CSRNP3: variants seen among roughly 807,000 people sequenced by gnomAD.
CSRNP3 encodes the protein cysteine and serine rich nuclear protein 3, also known as cysteine/serine-rich nuclear protein 3.
In CSRNP3, 12 loss-of-function variants were observed where a neutral mutation model predicts 48.0. That is an observed-to-expected ratio of 0.25 (90% CI 0.16 to 0.41). The LOEUF is 0.41. Among genes scored for constraint, CSRNP3 ranks in the 10% least tolerant of loss-of-function variants. The pLI is 1.00. For synonymous variants in CSRNP3, 263 were observed against 269.7 expected, an observed-to-expected ratio of 0.98 and a Z score of 0.24; for missense variants, 580 against 724.4, an observed-to-expected ratio of 0.80 and a Z score of 2.29.
At chr2:165,517,776 T>A (rs1320125418) in intron 2 of CSRNP3, 97 bp from the exon 3 acceptor site, 2 of 152,402 alleles carry the variant, frequency 1.3e-5, no homozygotes, top group African/African-American at 4.8e-5. Context: ...TTCTATTGAT[T>A]TTCTCCTATG....
rs1685114994 is a variant in CSRNP3, at chr2:165,552,818, C to A, written c.-24+34857C>A. ...CTAGCGATCCTTCTGCCTCAGCCTC[C>A]CAAGTAGCTGGGACTACAGGTGTGT... On this transcript the variant is annotated intron_variant, in intron 3 of 6. Coordinates refer to ENST00000651982, the MANE Select transcript of CSRNP3 (RefSeq NM_001172173.2). 2.0e-5 allele frequency among the ~76,000 whole-genome samples: 3 copies of A among 152,184 alleles called. No individual in the cohort carries two copies. The South Asian group carries it at 6.2e-4, about 32-fold the overall frequency.
chr2:165,474,461 C>T (rs1683934979), intron 1 of CSRNP3, among the ~76,000 whole-genome samples: 1 of 152,034 alleles, frequency 6.6e-6, no homozygotes, highest in Non-Finnish European at 1.5e-5. Flanking sequence ...CTATAAATTC[C>T]TTGGCCTATA....
At chr2:165,608,186 CTTAAT>C (rs1241413060) in intron 4 of CSRNP3, among the ~76,000 whole-genome samples, 5 of 151,256 alleles carry the variant, frequency 3.3e-5, no homozygotes, top group Non-Finnish European at 7.4e-5. Flanking sequence ...TGGGGGCTGG[CTTAAT>C]TAAACAGATA....
At chr2:165,580,259 G>A (rs1490490107) in intron 3 of CSRNP3, among the ~76,000 whole-genome samples, 1 of 152,086 alleles carries the variant, frequency 6.6e-6, no homozygotes, top group African/African-American at 2.4e-5. Context: ...TATGACTATG[G>A]TGCAACTTAT....
intron 1 of CSRNP3, among the ~76,000 whole-genome samples, chr2:165,493,561 T>C (rs951171576): frequency 1.4e-4 from 21 of 152,016 alleles, no homozygotes; most frequent in African/African-American, 4.8e-4. Flanking sequence ...TAAACAAAAC[T>C]AATAAGAGAA....
At chr2:165,650,169 A>G (rs1246103347) in intron 4 of CSRNP3, among the ~76,000 whole-genome samples, 1 of 152,200 alleles carries the variant, frequency 6.6e-6, no homozygotes, top group Admixed American at 6.5e-5. Flanking sequence ...ACAATGTATT[A>G]CTAAATACCT....
In CSRNP3 at chr2:165,653,972, C is replaced by CAAAAAAAAAAAAAAAA. The variant is rs71028497; in HGVS notation, c.149-3768_149-3753dup. 1.9e-4 allele frequency among the ~76,000 whole-genome samples: 8 copies of CAAAAAAAAAAAAAAAA among 41,226 alleles called. 1 individual carries two copies. Among genetic ancestry groups the CAAAAAAAAAAAAAAAA allele is most frequent in the African/African-American group, 7.9e-4 (8 of 10,118 alleles). The allele number at this position is 41,226 out of a possible 152,430, so 27.0% of individuals were successfully genotyped here. A position where few individuals can be genotyped will look rare whatever the true frequency, so the allele number is the denominator to read the frequency against. On this transcript the variant is annotated intron_variant, in intron 4 of 6. Transcript: ENST00000651982. ...GGGCAACAAGAGCGAAGCTCTATCA[C>CAAAAAAAAAAAAAAAA]AAAAAAAAAAAAAAAAAAAAAAAAA...
chr2:165,669,862 G>T (rs1461129797), intron 5 of CSRNP3, among the ~76,000 whole-genome samples: 1 of 151,950 alleles, frequency 6.6e-6, no homozygotes, highest in Non-Finnish European at 1.5e-5. Flanking sequence ...GCCTTGACCT[G>T]GAGATCCTAA....
chr2:165,592,404 T>A (rs1184821114), intron 3 of CSRNP3, among the ~76,000 whole-genome samples: 1 of 152,182 alleles, frequency 6.6e-6, no homozygotes, highest in Non-Finnish European at 1.5e-5. Context: ...AATGCTGGAA[T>A]GAGCCTAGAC....
chr2:165,580,875 C>A (rs1289168597), intron 3 of CSRNP3, among the ~76,000 whole-genome samples: 1 of 137,386 alleles, frequency 7.3e-6, no homozygotes, highest in Non-Finnish European at 1.6e-5. Context: ...TTTTTTTTTT[C>A]CTCAATGTGG....
At position 165,686,419 on chromosome 2, in the gene CSRNP3, CT is replaced by C. The variant is rs920000492; in HGVS notation, c.*6672del. On this transcript the variant is annotated 3_prime_UTR_variant, in exon 7 of 7. Coordinates refer to ENST00000651982, the MANE Select transcript of CSRNP3 (RefSeq NM_001172173.2). ...TCCTCCTTTTCATGTGGTCACCAAG[CT>C]TTTTTCCTTAGCCATTAAAAAAGCC... 1 of 151,938 alleles carries C rather than the reference CT, an allele frequency of 6.6e-6. No individual in the cohort carries two copies. Among genetic ancestry groups the C allele is most frequent in the Non-Finnish European group, 1.5e-5 (1 of 67,948 alleles). The allele number at this position is 151,938 out of a possible 1,614,324, so 9.4% of individuals were successfully genotyped here. A position where few individuals can be genotyped will look rare whatever the true frequency, so the allele number is the denominator to read the frequency against.
chr2:165,543,395 A>G (rs562870074), intron 3 of CSRNP3, among the ~76,000 whole-genome samples: 1 of 152,296 alleles, frequency 6.6e-6, no homozygotes, highest in African/African-American at 2.4e-5. Flanking sequence ...TTTACCTACA[A>G]TCTTATGAAC....
intron 5 of CSRNP3, among the ~76,000 whole-genome samples, chr2:165,671,322 G>A (rs776788214): frequency 1.3e-5 from 2 of 152,202 alleles, no homozygotes; most frequent in Admixed American, 6.5e-5. Context: ...GAATACCACT[G>A]TGAATGAAGA....
chr2:165,518,382 C>T (rs1418564046), intron 3 of CSRNP3, among the ~76,000 whole-genome samples: 1 of 151,798 alleles, frequency 6.6e-6, no homozygotes. Flanking sequence ...TTCTGAAATT[C>T]CTTGAATTCT....
At chr2:165,543,354 AG>A (rs573681258) in intron 3 of CSRNP3, among the ~76,000 whole-genome samples, 115 of 152,316 alleles carry the variant, frequency 7.6e-4, no homozygotes, top group African/African-American at 2.3e-3. Context: ...ACATTTAGCT[AG>A]TAAAGACAGA....
chr2:165,477,882 C>T (rs557345207), intron 1 of CSRNP3, among the ~76,000 whole-genome samples: 62 of 152,064 alleles, frequency 4.1e-4, no homozygotes, highest in African/African-American at 1.4e-3. Flanking sequence ...GAGGCCAAGG[C>T]AGGAGAATTG....
chr2:165,646,689 G>T (rs559342602), intron 4 of CSRNP3, among the ~76,000 whole-genome samples: 2 of 152,076 alleles, frequency 1.3e-5, no homozygotes, highest in Non-Finnish European at 2.9e-5. Flanking sequence ...GCAACAGCGC[G>T]GGTATTCTGC....
rs529494951 is a variant in CSRNP3, at chr2:165,665,060, T to TA, written c.408+7042dup. 3.8e-4 allele frequency among the ~76,000 whole-genome samples: 58 copies of TA among 152,334 alleles called. 1 individual carries two copies. The East Asian group carries it at 9.5e-3, about 25-fold the overall frequency. On this transcript the variant is annotated intron_variant, in intron 5 of 6. Coordinates refer to ENST00000651982, the MANE Select transcript of CSRNP3 (RefSeq NM_001172173.2). Reference sequence around the variant, plus strand: ...TTGGTCTTGTCATCTGTAGATGTGATAAGCTTGCCTTTTAGGTCTTCATCC... The same window carrying TA: ...TTGGTCTTGTCATCTGTAGATGTGATAAAGCTTGCCTTTTAGGTCTTCATCC...
At chr2:165,485,776 G>T (rs1684104348) in intron 1 of CSRNP3, among the ~76,000 whole-genome samples, 1 of 152,084 alleles carries the variant, frequency 6.6e-6, no homozygotes, top group East Asian at 1.9e-4. Flanking sequence ...TGAATTAAAA[G>T]AAATATTTCT....
Sources: allele counts gnomAD v4.1 joint callset (sites outside exome capture counted in the v4.1 genomes callset), GRCh38; gene constraint gnomAD v4.1.1; transcripts MANE v1.5; gene names NCBI Gene and HGNC (gene_info 2026-07-23, HGNC 2026-07-21).